The following TSHZ1 variants were observed in gnomAD, a reference collection of about 807,000 sequenced individuals.
The protein encoded by TSHZ1 is teashirt homolog 1.
In TSHZ1, 12 loss-of-function variants were observed where a neutral mutation model predicts 67.1. The observed-to-expected ratio is 0.18, with a 90% CI of 0.11 to 0.29. TSHZ1 has a LOEUF of 0.29. Among genes scored for constraint, TSHZ1 ranks in the 10% least tolerant of loss-of-function variants. The pLI, the probability that TSHZ1 is intolerant of heterozygous loss-of-function variation, is 1.00. For synonymous variants in TSHZ1, 632 were observed against 622.4 expected (o/e 1.02, Z -0.23); for missense variants, 1,305 against 1,413.9 (o/e 0.92, Z 1.23).
intron 1 of TSHZ1, among the ~76,000 whole-genome samples, chr18:75,273,184 T>C (rs1235713592): frequency 6.6e-6 from 1 of 152,238 alleles, no homozygotes; most frequent in Non-Finnish European, 1.5e-5. Context: ...GCACCCACAC[T>C]TGTTCATCTA....
At chr18:75,271,987 G>A (rs1000725247) in intron 1 of TSHZ1, among the ~76,000 whole-genome samples, 7 of 152,296 alleles carry the variant, frequency 4.6e-5, no homozygotes, top group East Asian at 3.9e-4. Context: ...GTTATGTGGC[G>A]TGATTCTAAC....
At chr18:75,220,151 G>C (rs1396943030) in intron 1 of TSHZ1, among the ~76,000 whole-genome samples, 1 of 152,146 alleles carries the variant, frequency 6.6e-6, no homozygotes. Context: ...TAGGCTTGCG[G>C]GCAAGGTCCT....
At chr18:75,242,801 A>G (rs970056051) in intron 1 of TSHZ1, among the ~76,000 whole-genome samples, 1 of 152,248 alleles carries the variant, frequency 6.6e-6, no homozygotes, top group Non-Finnish European at 1.5e-5. Context: ...TTTTATGGCC[A>G]TAATGCATGG....
intron 1 of TSHZ1, among the ~76,000 whole-genome samples, chr18:75,223,561 C>T (rs2022877412): frequency 6.6e-6 from 1 of 151,930 alleles, no homozygotes; most frequent in African/African-American, 2.4e-5. Flanking sequence ...CCTGTCTTCT[C>T]CAGGCCCTGG....
rs150370396 is a variant in TSHZ1 at position 75,237,707 on chromosome 18, G to A, written c.40+25791G>A. ...CCTTGCTCACATCAAGCTCAAGGGT[G>A]AGAGATGTTTTTGGAAACAGTCCTC... On this transcript the variant is annotated intron_variant, in intron 1 of 1. Coordinates refer to ENST00000580243, the MANE Select transcript of TSHZ1 (RefSeq NM_001308210.2). Among the ~76,000 whole-genome samples, 26 of 152,276 alleles carry A rather than the reference G, an allele frequency of 1.7e-4. No individual in the cohort carries two copies. The East Asian group carries it at 5.0e-3, about 29-fold the overall frequency.
At chr18:75,239,175 A>G (rs773792237) in intron 1 of TSHZ1, among the ~76,000 whole-genome samples, 4 of 152,268 alleles carry the variant, frequency 2.6e-5, no homozygotes, top group Non-Finnish European at 4.4e-5. Flanking sequence ...TGGAAGGGCC[A>G]GCGCAGGCCA....
intron 1 of TSHZ1, among the ~76,000 whole-genome samples, chr18:75,243,391 G>T (rs190645188): frequency 6.6e-6 from 1 of 152,250 alleles, no homozygotes; most frequent in African/African-American, 2.4e-5. Context: ...TGCAAGTCTT[G>T]TTGGGGAAAA....
intron 1 of TSHZ1, among the ~76,000 whole-genome samples, chr18:75,213,715 C>T (rs1463197098): frequency 2.0e-5 from 3 of 152,034 alleles, no homozygotes; most frequent in African/African-American, 7.3e-5. Context: ...TAAAAACAAG[C>T]CGTCAAGGCG....
rs1313628921 is a variant in TSHZ1, at chr18:75,273,968, C to T, written c.41-11480C>T. On this transcript the variant is annotated intron_variant, in intron 1 of 1. Coordinates refer to ENST00000580243, the MANE Select transcript of TSHZ1 (RefSeq NM_001308210.2). Reference sequence around the variant, plus strand: ...CTGTGTGCGCACACGCGTGCACTCTCGCACACCCACACCCACCCACACATG... The same window carrying T: ...CTGTGTGCGCACACGCGTGCACTCTTGCACACCCACACCCACCCACACATG... 6.6e-5 allele frequency among the ~76,000 whole-genome samples: 10 copies of T among 152,320 alleles called. No homozygotes were observed. The East Asian group carries it at 9.7e-4, about 15-fold the overall frequency.
chr18:75,220,812 T>C lies in TSHZ1; in HGVS notation c.40+8896T>C, dbSNP rs533242162. On this transcript the variant is annotated intron_variant, in intron 1 of 1. Coordinates refer to ENST00000580243, the MANE Select transcript of TSHZ1 (RefSeq NM_001308210.2). ...TAGATGATAGACATTTTTTTCTTTC[T>C]ATGTCCATTGTGTCTTTCTGAAATT... Among the ~76,000 whole-genome samples the C allele has an allele frequency of 2.6e-5, 4 of 152,370 alleles. No individual in the cohort carries two copies. In the South Asian group the frequency reaches 8.3e-4, roughly 32 times the overall value.
At chr18:75,248,372 C>T (rs2023249617) in intron 1 of TSHZ1, among the ~76,000 whole-genome samples, 2 of 152,366 alleles carry the variant, frequency 1.3e-5, no homozygotes, top group South Asian at 4.1e-4. Context: ...TATTCACCCT[C>T]AGGTTCATCT....
chr18:75,220,345 T>C (rs959643119), intron 1 of TSHZ1, among the ~76,000 whole-genome samples: 1 of 152,204 alleles, frequency 6.6e-6, no homozygotes, highest in African/African-American at 2.4e-5. Context: ...TGGAGAAATA[T>C]ATTGTTAAAT....
At chr18:75,240,562 A>G (rs1054584774) in intron 1 of TSHZ1, among the ~76,000 whole-genome samples, 4 of 151,948 alleles carry the variant, frequency 2.6e-5, no homozygotes, top group Admixed American at 6.6e-5. Flanking sequence ...AGATTTTATG[A>G]TCTCAGTCCA....
At position 75,281,217 on chromosome 18, in the gene TSHZ1, G is replaced by GTGCGGGGGGCCAGTTTGGA; in HGVS notation, c.41-4223_41-4205dup. On this transcript the variant is annotated intron_variant, in intron 1 of 1. Transcript: ENST00000580243. The surrounding 1 kb of genome is among the most constrained non-coding windows in gnomAD (Gnocchi z 5.3). The stretch of plus-strand genomic sequence containing the variant: ...AGGCTCTGGCCACAGCTGGTCATCA[G>GTGCGGGGGGCCAGTTTGGA]TGCGGGGGGCCAGTTTGGATGCGGG... Among the ~76,000 whole-genome samples the GTGCGGGGGGCCAGTTTGGA allele has an allele frequency of 6.6e-6, 1 of 152,356 alleles. No individual in the cohort carries two copies. The highest frequency in any genetic ancestry group is 1.9e-4 in the East Asian group (1 of 5,180).
intron 1 of TSHZ1, among the ~76,000 whole-genome samples, chr18:75,256,339 C>G (rs2023361442): frequency 6.6e-6 from 1 of 152,176 alleles, no homozygotes; most frequent in South Asian, 2.1e-4. Context: ...TCAGACAGAT[C>G]AAAGTGTTCT....
At chr18:75,264,035 T>C (rs566544447) in intron 1 of TSHZ1, among the ~76,000 whole-genome samples, 1 of 152,362 alleles carries the variant, frequency 6.6e-6, no homozygotes, top group East Asian at 1.9e-4. Context: ...AACCATAGAA[T>C]AGTCCAGAAT....
chr18:75,258,083 C>T (rs887736091), intron 1 of TSHZ1, among the ~76,000 whole-genome samples: 1 of 152,176 alleles, frequency 6.6e-6, no homozygotes, highest in Non-Finnish European at 1.5e-5. Context: ...GGCTGCTGCT[C>T]CTCTGTCTGG....
intron 1 of TSHZ1, among the ~76,000 whole-genome samples, chr18:75,237,787 C>CATTTATTTATTTA (rs1163060518): frequency 1.9e-4 from 20 of 104,378 alleles, no homozygotes; most frequent in South Asian, 1.5e-3. Context: ...AGCCTTCTTT[C>CATTTATTTATTTA]TTTCATTTAT....
chr18:75,233,866 C>A (rs1019328044), intron 1 of TSHZ1, among the ~76,000 whole-genome samples: 9 of 152,138 alleles, frequency 5.9e-5, no homozygotes, highest in African/African-American at 9.7e-5. Context: ...GGATGCGGTT[C>A]ACTGGGTGGG....
Sources: gnomAD v4.1 joint callset for allele counts (sites outside exome capture counted in the v4.1 genomes callset) on GRCh38, gnomAD v4.1.1 for gene constraint, Gnocchi (gnomAD v3.1) non-coding constraint, MANE v1.5 for transcripts, NCBI Gene and HGNC (gene_info 2026-07-23, HGNC 2026-07-21) for gene names.